The following SEC22C variants were observed in gnomAD, a reference collection of about 807,000 sequenced individuals.
SEC22C encodes vesicle-trafficking protein SEC22c.
In SEC22C, 29 loss-of-function variants were observed where a neutral mutation model predicts 34.7. That is an observed-to-expected ratio of 0.84 (90% CI 0.62 to 1.14). The LOEUF (loss-of-function observed/expected upper bound fraction) is 1.14, where lower values mean the gene tolerates loss of function less well. Among genes scored for constraint, SEC22C ranks in the 50% most tolerant of loss-of-function variants. The pLI, the probability that SEC22C is intolerant of heterozygous loss-of-function variation, is 0.00. For synonymous variants in SEC22C, 117 were observed against 132.8 expected (o/e 0.88, Z 0.82); for missense variants, 337 against 369.0 (o/e 0.91, Z 0.71).
At chr3:42,586,234 T>G (rs956524239), upstream of SEC22C, among the ~76,000 whole-genome samples, 12 of 152,144 alleles carry the variant, frequency 7.9e-5, no homozygotes, top group African/African-American at 2.7e-4. Flanking sequence ...GTTCTTTTGT[T>G]GTTGTTGTTG....
chr3:42,551,150 T>C lies in SEC22C; in HGVS notation c.*2098A>G. 3.0e-6 allele frequency: 3 copies of C among 985,348 alleles called. No individual in the cohort carries two copies. Among genetic ancestry groups the C allele is most frequent in the Non-Finnish European group, 2.4e-6 (2 of 829,902 alleles). The allele number at this position is 985,348 out of a possible 1,614,324, so 61.0% of individuals were successfully genotyped here. A position where few individuals can be genotyped will look rare whatever the true frequency, so the allele number is the denominator to read the frequency against. On this transcript the variant is annotated 3_prime_UTR_variant, in exon 7 of 7. Transcript: ENST00000264454. ...CCAAAGTGTTATTGACTTTTAAAGC[T>C]TTTTTGTTCTTCTCATTTAAAACAT...
chr3:42,594,361 G>GT, intron 1 of SEC22C: 1 of 1,370,170 alleles, frequency 7.3e-7, no homozygotes, highest in South Asian at 1.2e-5. Context: ...TTATTTTCCA[G>GT]TTTTTTGTTC....
At chr3:42,557,774 G>A in intron 4 of SEC22C, 78 bp from the exon 5 acceptor site, 1 of 689,662 alleles carries the variant, frequency 1.4e-6, no homozygotes, top group Non-Finnish European at 2.6e-6. Context: ...ACATTAACTA[G>A]ACCTACACTA....
intron 1 of SEC22C, chr3:42,591,605 AG>A: frequency 6.2e-7 from 1 of 1,609,028 alleles, no homozygotes; most frequent in Non-Finnish European, 8.5e-7. Context: ...GCGTGCAGTA[AG>A]TACCCCCACC....
chr3:42,552,595 C>T lies in SEC22C; in HGVS notation c.*653G>A, dbSNP rs777841279. On this transcript the variant is annotated 3_prime_UTR_variant, in exon 7 of 7. Transcript: ENST00000264454. Reference sequence around the variant, plus strand: ...ACAGTCCCACCACTATAAAAGGTTACATATAAATTAAATAAACTCAGATTT... The same window carrying T: ...ACAGTCCCACCACTATAAAAGGTTATATATAAATTAAATAAACTCAGATTT... 1.6e-3 allele frequency: 1,563 copies of T among 982,022 alleles called. 6 individuals carry two copies. The highest frequency in any genetic ancestry group is 1.4e-3 in the Non-Finnish European group (1,163 of 826,896). The allele number at this position is 982,022 out of a possible 1,614,324, so 60.8% of individuals were successfully genotyped here.
chr3:42,582,886 C>T (rs1704471631), upstream of SEC22C, among the ~76,000 whole-genome samples: 1 of 152,172 alleles, frequency 6.6e-6, no homozygotes, highest in African/African-American at 2.4e-5. Flanking sequence ...AAAGTTAGTG[C>T]TTAATAGGTA....
chr3:42,551,191 T>G lies in SEC22C; in HGVS notation c.*2057A>C. The G allele has an allele frequency of 1.0e-6, 1 of 985,402 alleles. No individual in the cohort carries two copies. The highest frequency in any genetic ancestry group is 1.2e-6 in the Non-Finnish European group (1 of 829,932). The allele number at this position is 985,402 out of a possible 1,614,324, so 61.0% of individuals were successfully genotyped here. ...TTTAAAACATTTTACCTCCCCTCCT[T>G]AACTTCCCATTCTATTTCACCATCT... is the stretch of plus-strand genomic sequence containing the variant. On this transcript the variant is annotated 3_prime_UTR_variant, in exon 7 of 7. Coordinates refer to ENST00000264454, the MANE Select transcript of SEC22C (RefSeq NM_032970.4).
chr3:42,591,531 G>A (rs746859480), intron 1 of SEC22C: 3 of 1,613,522 alleles, frequency 1.9e-6, no homozygotes, highest in Admixed American at 3.3e-5. Context: ...TCAGCTCCTT[G>A]AGGAGAATGA....
intron 4 of SEC22C, among the ~76,000 whole-genome samples, chr3:42,560,258 A>G (rs1403105553): frequency 6.8e-6 from 1 of 148,010 alleles, no homozygotes; most frequent in Non-Finnish European, 1.5e-5. Flanking sequence ...AAGAGAATGA[A>G]TCTTCTTTAT....
chr3:42,552,898 A>G lies in SEC22C; in HGVS notation c.*350T>C, dbSNP rs1290861136. The G allele has an allele frequency of 1.0e-5, 11 of 1,059,094 alleles. No individual in the cohort carries two copies. In the East Asian group the frequency reaches 8.6e-4, roughly 83 times the overall value. 65.6% of individuals were successfully genotyped at this position (1,059,094 alleles called of 1,614,324 possible). A position where few individuals can be genotyped will look rare whatever the true frequency, so the allele number is the denominator to read the frequency against. On this transcript the variant is annotated 3_prime_UTR_variant, in exon 7 of 7. Coordinates refer to ENST00000264454, the MANE Select transcript of SEC22C (RefSeq NM_032970.4). The stretch of plus-strand genomic sequence containing the variant: ...GAGACAACTCTCAATGACTAAAACC[A>G]GTGTTATTGAATCAAGTGGTTTACT...
chr3:42,553,508 C>G (rs922962103), intron 6 of SEC22C, 60 bp from the exon 7 acceptor site: 6 of 1,568,960 alleles, frequency 3.8e-6, no homozygotes, highest in Non-Finnish European at 5.2e-6. Context: ...AGATCATATG[C>G]AAAATTCACC....
chr3:42,548,572 T>G lies in SEC22C; in HGVS notation c.*4676A>C, dbSNP rs372742785. The G allele has an allele frequency of 7.6e-4, 1,220 of 1,608,004 alleles. 2 individuals carry two copies. Among genetic ancestry groups the G allele is most frequent in the Non-Finnish European group, 9.5e-4 (1,120 of 1,175,602 alleles). ...GAAGTTTGACATCACTGCTCCCGGA[T>G]GGGAGAATCAGAGCTCTCCTCATTT... On this transcript the variant is annotated 3_prime_UTR_variant, in exon 7 of 7. Coordinates refer to ENST00000264454, the MANE Select transcript of SEC22C (RefSeq NM_032970.4).
At chr3:42,591,112 C>T (rs1204817102) in intron 1 of SEC22C, 3 of 925,792 alleles carry the variant, frequency 3.2e-6, no homozygotes, top group Non-Finnish European at 5.0e-6. Context: ...GAGATGGGCA[C>T]GAAATCAGCA....
At chr3:42,582,014 G>T (rs2125732167), upstream of SEC22C, 1 of 152,408 alleles carries the variant, frequency 6.6e-6, no homozygotes, top group African/African-American at 2.4e-5. Context: ...CCCCTACCCC[G>T]CATTCGCTGC....
chr3:42,588,886 C>T (rs1295839593), intron 1 of SEC22C, among the ~76,000 whole-genome samples: 3 of 152,146 alleles, frequency 2.0e-5, no homozygotes, highest in South Asian at 2.1e-4. Context: ...GTTAACAGTG[C>T]AGGCTTGGTA....
At position 42,549,082 on chromosome 3, in the gene SEC22C, C is replaced by T. The variant is rs1306165004; in HGVS notation, c.*4166G>A. The T allele has an allele frequency of 8.0e-6, 8 of 997,650 alleles. No individual in the cohort carries two copies. The highest frequency in any genetic ancestry group is 9.6e-6 in the Non-Finnish European group (8 of 835,610). The allele number at this position is 997,650 out of a possible 1,614,324, so 61.8% of individuals were successfully genotyped here. A position where few individuals can be genotyped will look rare whatever the true frequency, so the allele number is the denominator to read the frequency against. ...CCAGCTGACGGTCAGCTGACTGGTG[C>T]ACTCTTTCCCTCACCTTCTCTCTCA... On this transcript the variant is annotated 3_prime_UTR_variant, in exon 7 of 7. Coordinates refer to ENST00000264454, the MANE Select transcript of SEC22C (RefSeq NM_032970.4).
Position 42,563,606 on chromosome 3 carries a change from T to C in SEC22C, c.263A>G (p.Glu88Gly), listed in dbSNP as rs1232502548. The C allele has an allele frequency of 6.2e-7, 1 of 1,614,160 alleles. No homozygotes were observed. Among genetic ancestry groups the C allele is most frequent in the East Asian group, 2.2e-5 (1 of 44,884 alleles). Residue 88 changes from glutamate to glycine, a missense_variant, in exon 3 of 7, where the codon GAG (glutamate) becomes GGG (glycine). By Grantham distance (98) the Glu-to-Gly change is moderately conservative (BLOSUM62 -2). Transcript: ENST00000264454. ...CPAAMAFCFLETLWWEFTASY... is the reference protein window; with the variant it reads ...CPAAMAFCFLGTLWWEFTASY... ...AGCTGTGAATTCCCACCACAGGGTC[T>C]CCAGGAAGCAGAAGGCCATGGCTGC...
intron 1 of SEC22C, among the ~76,000 whole-genome samples, chr3:42,598,470 G>C (rs536036639): frequency 6.6e-6 from 1 of 151,978 alleles, no homozygotes; most frequent in African/African-American, 2.4e-5. Context: ...TGGGATTACA[G>C]GTGCCTGCCA....
chr3:42,557,591 T>C lies in SEC22C; in HGVS notation c.632A>G (p.Glu211Gly), dbSNP rs768941847. ...LNLIRGVHLA[E>G]HSLQVAHEEI... ...AAAAAAGGTTACCTGTAAAGAATGTTCTGCAAGGTGAACTCCTCGAATGAG... is the reference window on the plus strand; with the variant it reads ...AAAAAAGGTTACCTGTAAAGAATGTCCTGCAAGGTGAACTCCTCGAATGAG... The change falls in exon 5 of 7, where the codon GAA becomes GGA. Residue 211 changes from glutamate (E) to glycine (G), a missense_variant. Coordinates refer to ENST00000264454, the MANE Select transcript of SEC22C (RefSeq NM_032970.4). The C allele has an allele frequency of 6.4e-7, 1 of 1,561,234 alleles. No individual in the cohort carries two copies. Among genetic ancestry groups the C allele is most frequent in the Non-Finnish European group, 8.7e-7 (1 of 1,145,790 alleles).
Sources: gnomAD v4.1 joint callset for allele counts (sites outside exome capture counted in the v4.1 genomes callset) on GRCh38, gnomAD v4.1.1 for gene constraint, MANE v1.5 for transcripts, NCBI Gene and HGNC (gene_info 2026-07-23, HGNC 2026-07-21) for gene names.